FHIT: variants seen among roughly 807,000 people sequenced by gnomAD.
FHIT encodes fragile histidine triad diadenosine triphosphatase, also known as bis(5'-adenosyl)-triphosphatase.
In FHIT, 19 loss-of-function variants were observed where a neutral mutation model predicts 17.9. That is an observed-to-expected ratio of 1.06 (90% CI 0.74 to 1.56). FHIT has a LOEUF of 1.56. Among genes scored for constraint, FHIT ranks in the 40% most tolerant of loss-of-function variants. The pLI is 0.00. For synonymous variants in FHIT, 81 were observed against 69.7 expected, an observed-to-expected ratio of 1.16 and a Z score of -0.81; for missense variants, 248 against 189.2, an observed-to-expected ratio of 1.31 and a Z score of -1.82.
chr3:61,015,997 T>C (rs952574886), intron 3 of FHIT, among the ~76,000 whole-genome samples: 7 of 152,246 alleles, frequency 4.6e-5, no homozygotes, highest in Non-Finnish European at 7.3e-5. Context: ...ACAACATAAC[T>C]GCTCTGAGAT....
intron 5 of FHIT, among the ~76,000 whole-genome samples, chr3:60,269,185 A>C (rs182886439): frequency 1.4e-3 from 211 of 152,328 alleles, no homozygotes; most frequent in Middle Eastern, 3.4e-3. Context: ...TAAATGATTA[A>C]TTTAAAACTT....
intron 5 of FHIT, among the ~76,000 whole-genome samples, chr3:60,046,487 T>G (rs947193595): frequency 3.3e-5 from 5 of 152,230 alleles, no homozygotes; most frequent in Admixed American, 1.3e-4. Flanking sequence ...AGCACCTGTC[T>G]AAAGTATATA....
chr3:61,043,397 G>A (rs1008860148), intron 2 of FHIT, among the ~76,000 whole-genome samples: 13 of 152,168 alleles, frequency 8.5e-5, no homozygotes, highest in Non-Finnish European at 1.5e-4. Flanking sequence ...GTCTGAGATC[G>A]AACTGCAAAG....
chr3:60,443,933 A>T (rs1011530916), intron 5 of FHIT, among the ~76,000 whole-genome samples: 10 of 152,142 alleles, frequency 6.6e-5, no homozygotes, highest in Admixed American at 5.9e-4. Context: ...AAATTTTTGC[A>T]ATCTACTCAT....
intron 7 of FHIT, among the ~76,000 whole-genome samples, chr3:59,970,434 G>A (rs1032110077): frequency 3.3e-5 from 5 of 152,130 alleles, no homozygotes; most frequent in African/African-American, 1.2e-4. Context: ...ACTATTGTCA[G>A]TAAGTGGTGG....
intron 4 of FHIT, among the ~76,000 whole-genome samples, chr3:60,756,605 G>T (rs573790173): frequency 6.6e-6 from 1 of 152,026 alleles, no homozygotes; most frequent in Non-Finnish European, 1.5e-5. Flanking sequence ...AGAAGCAGCC[G>T]GAGAGGAAAA....
intron 8 of FHIT, among the ~76,000 whole-genome samples, chr3:59,837,562 T>C (rs1701383651): frequency 6.6e-6 from 1 of 152,146 alleles, no homozygotes; most frequent in Non-Finnish European, 1.5e-5. Context: ...AGATCTTTTA[T>C]AAAAATGTCC....
intron 1 of FHIT, among the ~76,000 whole-genome samples, chr3:61,210,905 G>A (rs1576227612): frequency 6.6e-6 from 1 of 151,772 alleles, no homozygotes; most frequent in African/African-American, 2.4e-5. Flanking sequence ...GCTCACACTG[G>A]GAGCTGTAGA....
intron 3 of FHIT, among the ~76,000 whole-genome samples, chr3:60,871,516 A>G (rs781944950): frequency 1.3e-5 from 2 of 152,196 alleles, no homozygotes; most frequent in Non-Finnish European, 2.9e-5. Context: ...TTTATTAGGT[A>G]TATAATGATA....
chr3:60,342,109 C>G (rs144863951), intron 5 of FHIT, among the ~76,000 whole-genome samples: 1 of 152,226 alleles, frequency 6.6e-6, no homozygotes, highest in Non-Finnish European at 1.5e-5. Context: ...CTCCTCCCCA[C>G]TGCACAGGAG....
At chr3:60,116,906 G>T (rs78712571) in intron 5 of FHIT, among the ~76,000 whole-genome samples, 1 of 151,908 alleles carries the variant, frequency 6.6e-6, no homozygotes, top group Non-Finnish European at 1.5e-5. Context: ...GTTATTTACC[G>T]CTAACAATCT....
At position 59,878,650 on chromosome 3, in the gene FHIT, G is replaced by A. The variant is rs182695827; in HGVS notation, c.348+43696C>T. Among the ~76,000 whole-genome samples, 291 of 152,302 alleles carry A rather than the reference G, an allele frequency of 1.9e-3. 2 individuals are homozygous for A. Among genetic ancestry groups the A allele is most frequent in the African/African-American group, 5.9e-3 (244 of 41,572 alleles). ...ATTTCACAGCATGAGGAACACAGCC[G>A]AAGAGAAAGTGCAAGAAAAACAATA... is the stretch of plus-strand genomic sequence containing the variant. On this transcript the variant is annotated intron_variant, in intron 8 of 9. Coordinates refer to ENST00000492590, the MANE Select transcript of FHIT (RefSeq NM_002012.4).
rs543783075 is a variant in FHIT at position 60,120,097 on chromosome 3, C to A, written c.104-105945G>T. ...TTCAAGGCCCAGCTTGAACATCACA[C>A]CTTCCACCAACCTTTTCCAGTCCTC... On this transcript the variant is annotated intron_variant, in intron 5 of 9. Transcript: ENST00000492590. 3.3e-4 allele frequency among the ~76,000 whole-genome samples: 50 copies of A among 152,308 alleles called. 1 individual carries two copies. The South Asian group carries it at 0.01, about 31-fold the overall frequency.
At chr3:60,677,413 CTA>C (rs1350054105) in intron 4 of FHIT, among the ~76,000 whole-genome samples, 73 of 152,258 alleles carry the variant, frequency 4.8e-4, no homozygotes, top group African/African-American at 1.7e-3. Flanking sequence ...TGGTATTTCA[CTA>C]TGTTTCTGAG....
At chr3:60,813,430 T>C (rs1377709123) in intron 4 of FHIT, among the ~76,000 whole-genome samples, 2 of 152,170 alleles carry the variant, frequency 1.3e-5, no homozygotes, top group Non-Finnish European at 1.5e-5. Context: ...ATAGGCTTAA[T>C]GCCTGTTCTG....
intron 8 of FHIT, among the ~76,000 whole-genome samples, chr3:59,892,936 A>T (rs1188417548): frequency 6.6e-6 from 1 of 152,240 alleles, no homozygotes; most frequent in Non-Finnish European, 1.5e-5. Flanking sequence ...AAGATAGGAA[A>T]TATTTAAACT....
intron 1 of FHIT, among the ~76,000 whole-genome samples, chr3:61,217,860 T>C (rs183659023): frequency 2.0e-5 from 3 of 152,372 alleles, no homozygotes; most frequent in Admixed American, 2.0e-4. Context: ...AAAGAATTAC[T>C]AAATATGATT....
intron 4 of FHIT, among the ~76,000 whole-genome samples, chr3:60,714,525 C>G (rs2041628534): frequency 6.6e-6 from 1 of 152,122 alleles, no homozygotes; most frequent in Non-Finnish European, 1.5e-5. Context: ...GATTGTATAT[C>G]TAGAAAACCC....
chr3:60,612,632 G>C (rs1338800345), intron 4 of FHIT, among the ~76,000 whole-genome samples: 3 of 152,166 alleles, frequency 2.0e-5, no homozygotes, highest in Non-Finnish European at 4.4e-5. Flanking sequence ...ATAAATTGAA[G>C]TGGTGGTAAA....
Sources: gnomAD v4.1 joint callset for allele counts (sites outside exome capture counted in the v4.1 genomes callset) on GRCh38, gnomAD v4.1.1 for gene constraint, MANE v1.5 for transcripts, NCBI Gene and HGNC (gene_info 2026-07-23, HGNC 2026-07-21) for gene names.